TCERG1L: variants seen among roughly 807,000 people sequenced by gnomAD.
TCERG1L encodes transcription elongation regulator 1 like, also known as transcription elongation regulator 1-like protein.
A neutral mutation model predicts 56.3 loss-of-function variants in TCERG1L; 37 were observed. The observed-to-expected ratio is 0.66, with a 90% CI of 0.51 to 0.87. The LOEUF is 0.87. Among genes scored for constraint, TCERG1L ranks in the 40% least tolerant of loss-of-function variants. The pLI, the probability that TCERG1L is intolerant of heterozygous loss-of-function variation, is 0.00. For missense variants in TCERG1L, 799 were observed against 774.2 expected, an observed-to-expected ratio of 1.03 and a Z score of -0.38; for synonymous variants, 324 against 326.3, an observed-to-expected ratio of 0.99 and a Z score of 0.08.
At chr10:131,134,167 C>T (rs1274716072) in intron 8 of TCERG1L, among the ~76,000 whole-genome samples, 1 of 152,152 alleles carries the variant, frequency 6.6e-6, no homozygotes, top group African/African-American at 2.4e-5. Flanking sequence ...GCCCTGTGTA[C>T]AGTGTCTGAA....
At chr10:131,129,746 C>T (rs1845599099) in intron 8 of TCERG1L, among the ~76,000 whole-genome samples, 1 of 152,172 alleles carries the variant, frequency 6.6e-6, no homozygotes. Flanking sequence ...TTCATTCTCA[C>T]ACTGCTGTAA....
At chr10:131,199,948 C>T (rs374215704) in intron 4 of TCERG1L, among the ~76,000 whole-genome samples, 10 of 152,210 alleles carry the variant, frequency 6.6e-5, no homozygotes, top group African/African-American at 2.4e-4. Flanking sequence ...TGTAAAATTA[C>T]CTGCTGTGTC....
chr10:131,298,924 A>G (rs1295849050), intron 3 of TCERG1L, among the ~76,000 whole-genome samples: 1 of 152,216 alleles, frequency 6.6e-6, no homozygotes, highest in Admixed American at 6.5e-5. Context: ...TGCAACAATC[A>G]CTAAGAGATG....
At chr10:131,223,592 G>A (rs1002362591) in intron 4 of TCERG1L, among the ~76,000 whole-genome samples, 2 of 151,876 alleles carry the variant, frequency 1.3e-5, no homozygotes, top group Admixed American at 6.6e-5. Context: ...GCACATGTGT[G>A]CACACTCACC....
At chr10:131,242,242 G>A (rs1845981937) in intron 4 of TCERG1L, among the ~76,000 whole-genome samples, 1 of 152,198 alleles carries the variant, frequency 6.6e-6, no homozygotes, top group African/African-American at 2.4e-5. Flanking sequence ...AGGAGGAGCT[G>A]CTGAGAGTAT....
At chr10:131,214,031 TACATACGCACAC>T (rs1202710674) in intron 4 of TCERG1L, among the ~76,000 whole-genome samples, 1 of 116,168 alleles carries the variant, frequency 8.6e-6, no homozygotes, top group Non-Finnish European at 1.8e-5. Flanking sequence ...CTTTTAATGT[TACATACGCACAC>T]ACACACGCAC....
At chr10:131,138,420 C>T (rs1845698204) in intron 7 of TCERG1L, among the ~76,000 whole-genome samples, 1 of 152,182 alleles carries the variant, frequency 6.6e-6, no homozygotes, top group Non-Finnish European at 1.5e-5. Flanking sequence ...TGGATGGCTC[C>T]AGCCTGCACA....
Position 131,239,584 on chromosome 10 carries a change from G to A in TCERG1L, c.856+20675C>T, listed in dbSNP as rs138165765. 1.2e-3 allele frequency among the ~76,000 whole-genome samples: 183 copies of A among 152,300 alleles called. 1 individual carries two copies. Among genetic ancestry groups the A allele is most frequent in the Non-Finnish European group, 2.1e-3 (145 of 68,032 alleles). On this transcript the variant is annotated intron_variant, in intron 4 of 11. Coordinates refer to ENST00000368642, the MANE Select transcript of TCERG1L (RefSeq NM_174937.4). ...GCTTGCAGGGACTCTCAGACGCATC[G>A]GCCCTCAGACATCCATCGCACCAGA...
intron 4 of TCERG1L, among the ~76,000 whole-genome samples, chr10:131,242,602 C>T (rs1443312117): frequency 6.6e-6 from 1 of 152,172 alleles, no homozygotes; most frequent in Non-Finnish European, 1.5e-5. Context: ...ATGCTTGCAA[C>T]CAGAAGCGTT....
At chr10:131,237,557 T>C (rs2133517140) in intron 4 of TCERG1L, among the ~76,000 whole-genome samples, 1 of 152,292 alleles carries the variant, frequency 6.6e-6, no homozygotes, top group South Asian at 2.1e-4. Flanking sequence ...AGTTGCATTG[T>C]ATCGGATTAG....
intron 8 of TCERG1L, among the ~76,000 whole-genome samples, chr10:131,128,447 C>T (rs979658446): frequency 2.6e-5 from 4 of 152,128 alleles, no homozygotes; most frequent in South Asian, 2.1e-4. Context: ...TCTGGGAAAA[C>T]GAACCAAGAA....
chr10:131,265,814 G>A lies in TCERG1L; in HGVS notation c.671-5370C>T, dbSNP rs374483840. Among the ~76,000 whole-genome samples, 23 of 152,220 alleles carry A rather than the reference G, an allele frequency of 1.5e-4. 1 individual carries two copies. The highest frequency in any genetic ancestry group is 1.3e-3 in the East Asian group (7 of 5,202). On this transcript the variant is annotated intron_variant, in intron 3 of 11. Coordinates refer to ENST00000368642, the MANE Select transcript of TCERG1L (RefSeq NM_174937.4). ...TTTTGCCAGTGGAGGGTCTTGCCTC[G>A]ATGTTGATGGCCGCTGACTGATCAG...
chr10:131,166,776 C>T, intron 5 of TCERG1L, 21 bp downstream of exon 5: 2 of 1,613,112 alleles, frequency 1.2e-6, no homozygotes, highest in Non-Finnish European at 1.7e-6. Flanking sequence ...CTTTAACACA[C>T]ACACGAGCCC....
intron 4 of TCERG1L, among the ~76,000 whole-genome samples, chr10:131,217,927 T>C (rs778290741): frequency 3.3e-5 from 5 of 152,010 alleles, no homozygotes; most frequent in Admixed American, 3.3e-4. Flanking sequence ...GGTTTCACCA[T>C]GTTAGCCAGG....
chr10:131,205,080 T>C (rs1244778658), intron 4 of TCERG1L, among the ~76,000 whole-genome samples: 1 of 152,132 alleles, frequency 6.6e-6, no homozygotes, highest in Non-Finnish European at 1.5e-5. Flanking sequence ...GCCCATGGCA[T>C]CAACTCAATG....
At position 131,302,521 on chromosome 10, in the gene TCERG1L, C is replaced by T. The variant is rs980501300; in HGVS notation, c.670+5690G>A. 2.6e-5 allele frequency among the ~76,000 whole-genome samples: 4 copies of T among 151,750 alleles called. 1 individual carries two copies. The highest frequency in any genetic ancestry group is 7.3e-5 in the African/African-American group (3 of 41,208). On this transcript the variant is annotated intron_variant, in intron 3 of 11. Coordinates refer to ENST00000368642, the MANE Select transcript of TCERG1L (RefSeq NM_174937.4). ...TTTGCCATACCTTGAAACGGCTCTG[C>T]GAGCCATCTTTGGTAGGAGAAAATT...
At chr10:131,095,509 C>A (rs979918887) in intron 11 of TCERG1L, 6 of 152,226 alleles carry the variant, frequency 3.9e-5, no homozygotes, top group African/African-American at 1.4e-4. Flanking sequence ...ACGCGCCTGG[C>A]TCTCCAGCAT....
At position 131,302,338 on chromosome 10, in the gene TCERG1L, G is replaced by GT. The variant is rs201264732; in HGVS notation, c.670+5872dup. Among the ~76,000 whole-genome samples the GT allele has an allele frequency of 3.7e-3, 469 of 128,324 alleles. 4 individuals are homozygous for GT. Among genetic ancestry groups the GT allele is most frequent in the East Asian group, 0.036 (164 of 4,500 alleles). 84.2% of individuals were successfully genotyped at this position (128,324 alleles called of 152,430 possible). On this transcript the variant is annotated intron_variant, in intron 3 of 11. Coordinates refer to ENST00000368642, the MANE Select transcript of TCERG1L (RefSeq NM_174937.4). ...TACTTCTGCTGAAATTTGTTTTTTTGTTTTTTTTTTTTAAAGGGGAGATAT... is the reference window on the plus strand; with the variant it reads ...TACTTCTGCTGAAATTTGTTTTTTTGTTTTTTTTTTTTTAAAGGGGAGATAT...
rs116670127 is a variant in TCERG1L at position 131,304,860 on chromosome 10, G to A, written c.670+3351C>T. Among the ~76,000 whole-genome samples, 1,130 of 152,058 alleles carry A rather than the reference G, an allele frequency of 7.4e-3. 29 individuals are homozygous for A. Among genetic ancestry groups the A allele is most frequent in the African/African-American group, 0.025 (1,052 of 41,388 alleles). ...ATGATGTAAAGTCCCCCAACAGTCC[G>A]TGAGGATCCTGGGGACTGACTCACC... On this transcript the variant is annotated intron_variant, in intron 3 of 11. Transcript: ENST00000368642.
Sources: gnomAD v4.1 joint callset for allele counts (sites outside exome capture counted in the v4.1 genomes callset) on GRCh38, gnomAD v4.1.1 for gene constraint, MANE v1.5 for transcripts, NCBI Gene and HGNC (gene_info 2026-07-23, HGNC 2026-07-21) for gene names.